Variants in BACE2 observed in about 807,000 individuals in gnomAD.
BACE2 encodes 56 kDa aspartic-like protease.
In BACE2, 17 loss-of-function variants were observed where a neutral mutation model predicts 46.2. The observed-to-expected ratio is 0.37, with a 90% CI of 0.25 to 0.55. BACE2 has a LOEUF of 0.55. Ranked by LOEUF, BACE2 falls within the 20% of genes least tolerant of loss-of-function variation. BACE2 has a pLI of 0.82. For synonymous variants in BACE2, 277 were observed against 295.9 expected (o/e 0.94, Z 0.66); for missense variants, 595 against 698.1 (o/e 0.85, Z 1.66).
intron 8 of BACE2, among the ~76,000 whole-genome samples, chr21:41,263,780 G>A (rs1004415314): frequency 6.6e-6 from 1 of 152,152 alleles, no homozygotes; most frequent in African/African-American, 2.4e-5. Flanking sequence ...AATTTCCAGT[G>A]TTCTGAATAG....
At chr21:41,257,359 G>A (rs768743676) in intron 8 of BACE2, 33 bp downstream of exon 8, 30 of 1,606,472 alleles carry the variant, frequency 1.9e-5, no homozygotes, top group Non-Finnish European at 2.4e-5. Context: ...AGGGATCCCC[G>A]ACAAGAGTCC....
At chr21:41,247,280 G>T (rs941970764) in intron 6 of BACE2, among the ~76,000 whole-genome samples, 11 of 152,096 alleles carry the variant, frequency 7.2e-5, no homozygotes, top group Non-Finnish European at 1.6e-4. Flanking sequence ...CACAGAGGGG[G>T]AATAGGCAGG....
chr21:41,221,827 CAAAAAAAAAA>C (rs58502168), intron 1 of BACE2, among the ~76,000 whole-genome samples: 11 of 98,746 alleles, frequency 1.1e-4, no homozygotes, highest in African/African-American at 3.5e-4. Flanking sequence ...GACTCTGTCT[CAAAAAAAAAA>C]AAAAAAAAAA....
In BACE2 at chr21:41,246,021, G is replaced by A. The variant is rs1383087324; in HGVS notation, c.942G>A (p.Lys314=). The A allele has an allele frequency of 1.2e-6, 2 of 1,611,072 alleles. No individual in the cohort carries two copies. The highest frequency in any genetic ancestry group is 1.7e-4 in the Middle Eastern group (1 of 6,058). Reference sequence around the variant, plus strand: ...CCACGCTGCTGCGCCTGCCCCAGAAGGTGTTTGATGCGGTGGTGGAAGCTG... The same window carrying A: ...CCACGCTGCTGCGCCTGCCCCAGAAAGTGTTTGATGCGGTGGTGGAAGCTG... ...SGTTLLRLPQ[K]VFDAVVEAVA... The change falls in exon 6 of 9, where the codon AAG becomes AAA. Residue 314 remains lysine (K), a synonymous_variant. Transcript: ENST00000330333.
Position 41,237,155 on chromosome 21 carries a change from G to A in BACE2, c.402-358G>A, listed in dbSNP as rs371224775. Among the ~76,000 whole-genome samples the A allele has an allele frequency of 3.9e-5, 6 of 152,290 alleles. No homozygotes were observed. The South Asian group carries it at 6.2e-4, about 16-fold the overall frequency. On this transcript the variant is annotated intron_variant, in intron 2 of 8. Coordinates refer to ENST00000330333, the MANE Select transcript of BACE2 (RefSeq NM_012105.5). ...CGGGAACATGGATACATAAGAGAAT[G>A]CAAGGGGCTTAGCCGGGCGCAGTGG... is the stretch of plus-strand genomic sequence containing the variant.
intron 6 of BACE2, 56 bp downstream of exon 6, chr21:41,246,119 G>GCTCCTCAGC: frequency 7.1e-7 from 1 of 1,404,244 alleles, no homozygotes; most frequent in Non-Finnish European, 9.8e-7. Flanking sequence ...GTCACCTGCT[G>GCTCCTCAGC]AGGAGCAGCA....
intron 1 of BACE2, among the ~76,000 whole-genome samples, chr21:41,211,004 G>A (rs897813221): frequency 6.6e-6 from 1 of 152,176 alleles, no homozygotes; most frequent in Non-Finnish European, 1.5e-5. Context: ...CCAGACTGCA[G>A]GATGGCCGCC....
Position 41,277,284 on chromosome 21 carries a change from A to G in BACE2, c.*1660A>G, listed in dbSNP as rs62219580. Reference sequence around the variant, plus strand: ...GACGTGGAGGCCACGTCGGCTTGTCATGGTGTCCTGGAAGACTCTCCAGCA... The same window carrying G: ...GACGTGGAGGCCACGTCGGCTTGTCGTGGTGTCCTGGAAGACTCTCCAGCA... On this transcript the variant is annotated 3_prime_UTR_variant, in exon 9 of 9. Coordinates refer to ENST00000330333, the MANE Select transcript of BACE2 (RefSeq NM_012105.5). 0.1 allele frequency: 15,492 copies of G among 152,008 alleles called. 823 individuals are homozygous for G. The highest frequency in any genetic ancestry group is 0.16 in the South Asian group (748 of 4,816). 9.4% of individuals were successfully genotyped at this position (152,008 alleles called of 1,614,324 possible).
At chr21:41,251,368 G>A (rs1329766560) in intron 7 of BACE2, among the ~76,000 whole-genome samples, 2 of 152,170 alleles carry the variant, frequency 1.3e-5, no homozygotes, top group Non-Finnish European at 2.9e-5. Context: ...CGAGGATGAG[G>A]GAAAAGATGC....
At chr21:41,260,613 T>C (rs1389937044) in intron 8 of BACE2, among the ~76,000 whole-genome samples, 1 of 152,194 alleles carries the variant, frequency 6.6e-6, no homozygotes, top group African/African-American at 2.4e-5. Flanking sequence ...TGGACCTCAC[T>C]CCAGGACTGC....
At position 41,279,377 on chromosome 21, in the gene BACE2, C is replaced by A. The variant is rs181047187; in HGVS notation, c.*3753C>A. 1 of 152,136 alleles carries A rather than the reference C, an allele frequency of 6.6e-6. No individual in the cohort carries two copies. The highest frequency in any genetic ancestry group is 1.5e-5 in the Non-Finnish European group (1 of 68,044). 9.4% of individuals were successfully genotyped at this position (152,136 alleles called of 1,614,324 possible). A position where few individuals can be genotyped will look rare whatever the true frequency, so the allele number is the denominator to read the frequency against. Reference sequence around the variant, plus strand: ...TTGGGAGGCCGAGGCAGGTGGATCACCTGAGGTCAGGAGTTTGAGACCAGC... The same window carrying A: ...TTGGGAGGCCGAGGCAGGTGGATCAACTGAGGTCAGGAGTTTGAGACCAGC... On this transcript the variant is annotated 3_prime_UTR_variant, in exon 9 of 9. Coordinates refer to ENST00000330333, the MANE Select transcript of BACE2 (RefSeq NM_012105.5).
chr21:41,273,481 C>G (rs1179891488), intron 8 of BACE2, among the ~76,000 whole-genome samples: 1 of 152,172 alleles, frequency 6.6e-6, no homozygotes, highest in Non-Finnish European at 1.5e-5. Flanking sequence ...AAAAATAATT[C>G]AGCGATATTT....
intron 1 of BACE2, among the ~76,000 whole-genome samples, chr21:41,173,102 C>T (rs898892912): frequency 6.6e-6 from 1 of 152,208 alleles, no homozygotes; most frequent in Admixed American, 6.5e-5. Flanking sequence ...CATAGACCCA[C>T]TTTCTGAATA....
intron 1 of BACE2, among the ~76,000 whole-genome samples, chr21:41,208,936 G>C (rs1986215042): frequency 6.6e-6 from 1 of 152,178 alleles, no homozygotes; most frequent in African/African-American, 2.4e-5. Flanking sequence ...GGATTAAAAA[G>C]CAGGCATCCT....
chr21:41,179,581 T>G, intron 1 of BACE2: 1 of 1,321,166 alleles, frequency 7.6e-7, no homozygotes, highest in South Asian at 1.2e-5. Context: ...AGTGCACATG[T>G]GTGGTGAGGA....
intron 2 of BACE2, among the ~76,000 whole-genome samples, chr21:41,230,846 A>AAAAGG (rs1986950163): frequency 6.6e-6 from 1 of 152,224 alleles, no homozygotes; most frequent in Admixed American, 6.5e-5. Flanking sequence ...AAAAGAAAAG[A>AAAAGG]AAAGATCATG....
intron 1 of BACE2, among the ~76,000 whole-genome samples, chr21:41,216,103 G>T (rs1986459195): frequency 6.6e-6 from 1 of 152,052 alleles, no homozygotes; most frequent in Non-Finnish European, 1.5e-5. Flanking sequence ...TAGAGCAGGT[G>T]GCATTACTAT....
intron 2 of BACE2, chr21:41,236,596 A>G (rs1050651860): frequency 6.6e-6 from 1 of 152,200 alleles, no homozygotes; most frequent in African/African-American, 2.4e-5. Context: ...TGAGAGTATA[A>G]TCACCTTTGG....
rs2088543037 is a variant in BACE2 at position 41,281,092 on chromosome 21, T to G, written c.*5468T>G. On this transcript the variant is annotated 3_prime_UTR_variant, in exon 9 of 9. Coordinates refer to ENST00000330333, the MANE Select transcript of BACE2 (RefSeq NM_012105.5). ...TCTGCCAGCATCTTGGGGAACGCTG[T>G]GATGGTAAAATATCTGTCTCTCCTC... is the stretch of plus-strand genomic sequence containing the variant. 6.6e-6 allele frequency: 1 copy of G among 152,202 alleles called. No individual in the cohort carries two copies. Among genetic ancestry groups the G allele is most frequent in the Non-Finnish European group, 1.5e-5 (1 of 68,074 alleles). The allele number at this position is 152,202 out of a possible 1,614,324, so 9.4% of individuals were successfully genotyped here.
Sources: allele counts gnomAD v4.1 joint callset (sites outside exome capture counted in the v4.1 genomes callset), GRCh38; gene constraint gnomAD v4.1.1; transcripts MANE v1.5; gene names NCBI Gene and HGNC (gene_info 2026-07-23, HGNC 2026-07-21).